Variants in SGCZ observed in about 807,000 individuals in gnomAD.
SGCZ encodes sarcoglycan zeta, also known as zeta-sarcoglycan.
Under a neutral mutation model 41.3 loss-of-function variants are expected in SGCZ, and 40 were observed. The ratio of observed to expected loss-of-function variants is 0.97; its 90% confidence interval spans 0.75 to 1.26. The LOEUF (loss-of-function observed/expected upper bound fraction) is 1.26. Ranked by LOEUF, SGCZ falls within the 50% of genes most tolerant of loss-of-function variation. The pLI, the probability that SGCZ is intolerant of heterozygous loss-of-function variation, is 0.00. For missense variants in SGCZ, 552 were observed against 369.8 expected (o/e 1.49, Z -4.04); for synonymous variants, 206 against 137.5 (o/e 1.50, Z -3.49).
At chr8:14,200,096 G>C (rs762562673) in intron 4 of SGCZ, among the ~76,000 whole-genome samples, 1 of 152,116 alleles carries the variant, frequency 6.6e-6, no homozygotes, top group Non-Finnish European at 1.5e-5. Flanking sequence ...GGCAGTGTTG[G>C]AATATATCCC....
intron 1 of SGCZ, among the ~76,000 whole-genome samples, chr8:15,018,621 T>A (rs1803132620): frequency 6.6e-6 from 1 of 151,986 alleles, no homozygotes; most frequent in Non-Finnish European, 1.5e-5. Flanking sequence ...ACTAGAGGGC[T>A]GGAATGCAGG....
chr8:14,944,184 T>C (rs73666947), intron 1 of SGCZ, among the ~76,000 whole-genome samples: 3,646 of 152,278 alleles, frequency 0.024, 137 homozygotes, highest in African/African-American at 0.083. Context: ...AGCTAGGTCT[T>C]CACCTCTGGC....
chr8:14,599,623 T>A (rs1238323909), intron 1 of SGCZ, among the ~76,000 whole-genome samples: 2 of 152,200 alleles, frequency 1.3e-5, no homozygotes, highest in African/African-American at 4.8e-5. Flanking sequence ...TGGCTTCTCA[T>A]CTTTCCCTTC....
At chr8:14,588,950 C>G (rs79119972) in intron 1 of SGCZ, among the ~76,000 whole-genome samples, 3,183 of 152,152 alleles carry the variant, frequency 0.021, 112 homozygotes, top group African/African-American at 0.072. Flanking sequence ...TAATTCAGAT[C>G]GTTACATTTG....
At chr8:14,831,866 G>A (rs955027733) in intron 1 of SGCZ, among the ~76,000 whole-genome samples, 1 of 36,200 alleles carries the variant, frequency 2.8e-5, no homozygotes, top group African/African-American at 8.9e-5. Flanking sequence ...GTATGTATAT[G>A]TGTGTATATG....
chr8:14,528,410 T>G (rs1201684599), intron 2 of SGCZ, among the ~76,000 whole-genome samples: 1 of 152,116 alleles, frequency 6.6e-6, no homozygotes, highest in African/African-American at 2.4e-5. Flanking sequence ...CACTCCAGAT[T>G]ACTCCTCTCT....
At chr8:14,465,303 T>C (rs1384888774) in intron 2 of SGCZ, among the ~76,000 whole-genome samples, 2 of 151,736 alleles carry the variant, frequency 1.3e-5, no homozygotes, top group African/African-American at 4.8e-5. Context: ...ATTGGACATT[T>C]TAGTAGTATA....
chr8:14,945,306 C>T (rs1800405575), intron 1 of SGCZ, among the ~76,000 whole-genome samples: 1 of 152,118 alleles, frequency 6.6e-6, no homozygotes, highest in Non-Finnish European at 1.5e-5. Context: ...CTTCCCATTT[C>T]CTCCATAACC....
chr8:15,230,198 A>G (rs553513987), intron 1 of SGCZ, among the ~76,000 whole-genome samples: 2 of 152,066 alleles, frequency 1.3e-5, no homozygotes, highest in Admixed American at 6.5e-5. Context: ...AAAAAAAAAA[A>G]AAAACTGTAA....
chr8:14,966,491 A>G (rs1801130205), intron 1 of SGCZ, among the ~76,000 whole-genome samples: 1 of 151,992 alleles, frequency 6.6e-6, no homozygotes, highest in Non-Finnish European at 1.5e-5. Flanking sequence ...TTGTGTATTC[A>G]AATTTTTACA....
chr8:14,248,860 A>T (rs925044197), intron 3 of SGCZ, among the ~76,000 whole-genome samples: 3 of 152,162 alleles, frequency 2.0e-5, no homozygotes, highest in Admixed American at 6.5e-5. Context: ...GCTGTAACTT[A>T]ATTTCTATAG....
chr8:14,354,025 A>C (rs1436836415), intron 2 of SGCZ, among the ~76,000 whole-genome samples: 3 of 152,064 alleles, frequency 2.0e-5, no homozygotes, highest in Non-Finnish European at 4.4e-5. Flanking sequence ...CAATTGTATT[A>C]ATTGTCTCCT....
At chr8:14,231,231 C>CAG (rs763690394) in intron 4 of SGCZ, among the ~76,000 whole-genome samples, 37 of 80,076 alleles carry the variant, frequency 4.6e-4, no homozygotes, top group Admixed American at 8.4e-4. Flanking sequence ...GAGAGAGAGA[C>CAG]AGAGAGAGAG....
chr8:14,602,242 A>C (rs1805617720), intron 1 of SGCZ, among the ~76,000 whole-genome samples: 1 of 152,342 alleles, frequency 6.6e-6, no homozygotes, highest in African/African-American at 2.4e-5. Context: ...GGTTTTAAAA[A>C]AATTCTCAAT....
chr8:14,699,415 T>C (rs958239957), intron 1 of SGCZ, among the ~76,000 whole-genome samples: 1 of 151,766 alleles, frequency 6.6e-6, no homozygotes, highest in African/African-American at 2.4e-5. Context: ...GACTACCATA[T>C]GCAGTAGATT....
chr8:14,247,787 T>G (rs1454498747), intron 3 of SGCZ, among the ~76,000 whole-genome samples: 1 of 152,202 alleles, frequency 6.6e-6, no homozygotes, highest in Non-Finnish European at 1.5e-5. Context: ...CTGTGAGTGC[T>G]ACTGTCTGTC....
intron 1 of SGCZ, among the ~76,000 whole-genome samples, chr8:15,081,426 C>T (rs1805742695): frequency 6.7e-6 from 1 of 150,074 alleles, no homozygotes. Context: ...TGACAGATGG[C>T]TACCCCTACT....
At chr8:14,108,115 A>G in intron 6 of SGCZ, 48 bp downstream of exon 6, 1 of 1,541,184 alleles carries the variant, frequency 6.5e-7, no homozygotes. Context: ...ATTAAGGATT[A>G]TCAACAATGA....
At chr8:15,056,543 CA>C (rs75954139) in intron 1 of SGCZ, among the ~76,000 whole-genome samples, 23,427 of 126,798 alleles carry the variant, frequency 0.18, 1,995 homozygotes, top group African/African-American at 0.28. Context: ...TGTAGGTGAG[CA>C]AAAAAAAAAA....
Sources: allele counts gnomAD v4.1 joint callset (sites outside exome capture counted in the v4.1 genomes callset), GRCh38; gene constraint gnomAD v4.1.1; transcripts MANE v1.5; gene names NCBI Gene and HGNC (gene_info 2026-07-23, HGNC 2026-07-21).